The following TSNARE1 variants were observed in gnomAD, a reference collection of about 807,000 sequenced individuals.
TSNARE1 encodes t-SNARE domain-containing protein 1.
A neutral mutation model predicts 62.0 loss-of-function variants in TSNARE1; 49 were observed. The observed-to-expected ratio is 0.79, with a 90% CI of 0.63 to 1.00. TSNARE1 has a LOEUF of 1.00. Among genes scored for constraint, TSNARE1 ranks in the 50% least tolerant of loss-of-function variants. The pLI is 0.00. For synonymous variants in TSNARE1, 328 were observed against 294.4 expected (o/e 1.11, Z -1.17); for missense variants, 755 against 700.1 (o/e 1.08, Z -0.88).
intron 9 of TSNARE1, among the ~76,000 whole-genome samples, chr8:142,311,290 G>GA (rs1827549305): frequency 1.7e-5 from 1 of 57,336 alleles, no homozygotes; most frequent in Non-Finnish European, 2.9e-5. Flanking sequence ...AGCCTCTCTA[G>GA]TTTTTTTTTT....
chr8:142,376,388 T>C (rs1376006973), intron 1 of TSNARE1, among the ~76,000 whole-genome samples: 1 of 152,198 alleles, frequency 6.6e-6, no homozygotes, highest in African/African-American at 2.4e-5. Context: ...GCGATGGCGT[T>C]AGCAGGTGAG....
At chr8:142,328,674 A>G (rs1188456049) in intron 6 of TSNARE1, among the ~76,000 whole-genome samples, 1 of 152,174 alleles carries the variant, frequency 6.6e-6, no homozygotes, top group Non-Finnish European at 1.5e-5. Context: ...CCCACACACC[A>G]TCTCCAGATC....
intron 10 of TSNARE1, among the ~76,000 whole-genome samples, chr8:142,298,930 G>A (rs1426087536): frequency 6.6e-6 from 1 of 152,232 alleles, no homozygotes; most frequent in Non-Finnish European, 1.5e-5. Flanking sequence ...CCAGCAGGAA[G>A]GGATGGAAAC....
intron 1 of TSNARE1, among the ~76,000 whole-genome samples, chr8:142,390,284 G>A (rs751578062): frequency 7.2e-5 from 11 of 151,730 alleles, no homozygotes; most frequent in Non-Finnish European, 1.6e-4. Context: ...AACAGACGCT[G>A]TACACTGCGG....
intron 10 of TSNARE1, among the ~76,000 whole-genome samples, chr8:142,294,275 C>A (rs72687372): frequency 0.18 from 27,944 of 151,994 alleles, 3,026 homozygotes; most frequent in South Asian, 0.29. Flanking sequence ...AGGGACGAGG[C>A]AGGGATCAAT....
At chr8:142,300,252 A>G in intron 10 of TSNARE1, 2 of 486,606 alleles carry the variant, frequency 4.1e-6, no homozygotes, top group Non-Finnish European at 7.3e-6. Context: ...GTGCCCTATT[A>G]GGGAAACCCA....
At chr8:142,236,256 C>T (rs895695741) in intron 12 of TSNARE1, among the ~76,000 whole-genome samples, 3 of 151,868 alleles carry the variant, frequency 2.0e-5, no homozygotes, top group Non-Finnish European at 4.4e-5. Context: ...TCCTCAGACC[C>T]ACCCCCGAGA....
At position 142,344,445 on chromosome 8, in the gene TSNARE1, C is replaced by A; in HGVS notation, c.266G>T (p.Arg89Leu). Residue 89 changes from arginine (R) to leucine (L), a missense_variant, in exon 4 of 14, where the codon CGG (arginine) becomes CTG (leucine). Coordinates refer to ENST00000524325, the MANE Select transcript of TSNARE1 (RefSeq NM_145003.5). ...RGPGVAPEGS[R>L]MPEPTSSPTI... ...GGGTGATGAGGTGGGCTCCGGCATC[C>A]GGCTGCCTTCAGGGGCAACCCCAGG... is the stretch of plus-strand genomic sequence containing the variant. The A allele has an allele frequency of 6.3e-7, 1 of 1,576,500 alleles. No homozygotes were observed.
chr8:142,374,528 A>T (rs565748157), intron 1 of TSNARE1, among the ~76,000 whole-genome samples: 1 of 151,718 alleles, frequency 6.6e-6, no homozygotes, highest in South Asian at 2.1e-4. Context: ...AATACAAAAA[A>T]ATTAGCCAGG....
At chr8:142,226,759 G>C (rs1352393546) in intron 13 of TSNARE1, among the ~76,000 whole-genome samples, 1 of 152,100 alleles carries the variant, frequency 6.6e-6, no homozygotes, top group Non-Finnish European at 1.5e-5. Flanking sequence ...AGCAGTTCCC[G>C]GCATAAGGAA....
At chr8:142,399,945 A>G (rs1246311679) in intron 1 of TSNARE1, among the ~76,000 whole-genome samples, 1 of 152,230 alleles carries the variant, frequency 6.6e-6, no homozygotes, top group East Asian at 1.9e-4. Context: ...TGGGAATCCC[A>G]GCACTCCGGG....
chr8:142,392,227 G>A (rs1256448988), intron 1 of TSNARE1, among the ~76,000 whole-genome samples: 6 of 152,006 alleles, frequency 3.9e-5, no homozygotes, highest in East Asian at 1.9e-4. Flanking sequence ...TCACCATGTC[G>A]GCCAGACTGG....
intron 1 of TSNARE1, among the ~76,000 whole-genome samples, chr8:142,384,154 C>A (rs60114563): frequency 5.5e-4 from 84 of 152,244 alleles, no homozygotes; most frequent in African/African-American, 2.0e-3. Context: ...CAGACCCAAG[C>A]AGCAGAGTAG....
rs35210469 is a variant in TSNARE1, at chr8:142,319,678, C to T, written c.894-1044G>A. Among the ~76,000 whole-genome samples the T allele has an allele frequency of 0.12, 18,530 of 152,120 alleles. 1,407 individuals are homozygous for T. The highest frequency in any genetic ancestry group is 0.2 in the East Asian group (1,046 of 5,114). On this transcript the variant is annotated intron_variant, in intron 6 of 13. Transcript: ENST00000524325. This position sits in a 1 kb window ranked among gnomAD's most constrained non-coding sequence, Gnocchi z 4.9. ...CACCAAGCAGGCCTTGGGGCCGACA[C>T]GTGGGAGCGAGCCTGGCACCACCAC...
At chr8:142,226,493 A>T (rs1816779759) in intron 13 of TSNARE1, among the ~76,000 whole-genome samples, 1 of 152,118 alleles carries the variant, frequency 6.6e-6, no homozygotes, top group South Asian at 2.1e-4. Context: ...TCTCCCAGAG[A>T]ACCTTTGCTA....
At chr8:142,371,306 G>C (rs1835896084) in intron 1 of TSNARE1, among the ~76,000 whole-genome samples, 1 of 152,132 alleles carries the variant, frequency 6.6e-6, no homozygotes, top group Non-Finnish European at 1.5e-5. Flanking sequence ...TCCATGAAGG[G>C]GGAAAAAAAA....
intron 12 of TSNARE1, chr8:142,270,636 T>C (rs1819446323): frequency 2.0e-6 from 2 of 985,326 alleles, no homozygotes; most frequent in Middle Eastern, 5.2e-4. Flanking sequence ...GGACAGGGGC[T>C]TTCAGGAGTC....
intron 11 of TSNARE1, among the ~76,000 whole-genome samples, chr8:142,282,203 C>T (rs1158844978): frequency 1.3e-5 from 2 of 152,196 alleles, no homozygotes; most frequent in African/African-American, 2.4e-5. Context: ...GTTCCCATGC[C>T]GCTCTCCCTA....
intron 1 of TSNARE1, among the ~76,000 whole-genome samples, chr8:142,359,476 A>C (rs1834997889): frequency 1.3e-5 from 2 of 152,040 alleles, no homozygotes; most frequent in South Asian, 4.2e-4. Flanking sequence ...CCCTTCACTG[A>C]GGGAGGAAAG....
Sources: allele counts gnomAD v4.1 joint callset (sites outside exome capture counted in the v4.1 genomes callset), GRCh38; gene constraint gnomAD v4.1.1; non-coding constraint Gnocchi (gnomAD v3.1); transcripts MANE v1.5; gene names NCBI Gene and HGNC (gene_info 2026-07-23, HGNC 2026-07-21).